CSPP1: variants seen among roughly 807,000 people sequenced by gnomAD.
The protein encoded by CSPP1 is centrosome and spindle pole associated protein 1.
Under a neutral mutation model 164.4 loss-of-function variants are expected in CSPP1, and 126 were observed. The ratio of observed to expected loss-of-function variants is 0.77; its 90% CI spans 0.66 to 0.89. The LOEUF is 0.89. CSPP1 is among the 40% of genes least tolerant of loss of function. CSPP1 has a pLI of 0.00. For synonymous variants in CSPP1, 472 were observed against 476.7 expected, an observed-to-expected ratio of 0.99 and a Z score of 0.13; for missense variants, 1,395 against 1,449.8, an observed-to-expected ratio of 0.96 and a Z score of 0.61.
chr8:67,188,714 C>G (rs980638699), intron 28 of CSPP1, among the ~76,000 whole-genome samples: 2 of 152,220 alleles, frequency 1.3e-5, no homozygotes, highest in African/African-American at 2.4e-5. Context: ...CCCTCCGGAT[C>G]TGGCAGGATG....
At chr8:67,105,557 A>G (rs2129547699) in intron 8 of CSPP1, among the ~76,000 whole-genome samples, 1 of 150,990 alleles carries the variant, frequency 6.6e-6, no homozygotes, top group East Asian at 2.0e-4. Context: ...ATTTTTTTGT[A>G]TTTTTTATTA....
chr8:67,084,394 T>C lies in CSPP1; in HGVS notation c.200-1613T>C, dbSNP rs1383564873. The C allele has an allele frequency of 2.6e-5, 4 of 152,206 alleles. No individual in the cohort carries two copies. In the South Asian group the frequency reaches 8.3e-4, roughly 32 times the overall value. 9.4% of individuals were successfully genotyped at this position (152,206 alleles called of 1,614,324 possible). On this transcript the variant is annotated intron_variant, in intron 3 of 30. Coordinates refer to ENST00000678616, the MANE Select transcript of CSPP1 (RefSeq NM_001382391.1). ...CATAAACATCCACTTATGTTTATAT[T>C]ACACTGGCCTTTTCCCTGCCTGAAA...
chr8:67,158,344 A>G (rs1224500728), intron 19 of CSPP1, 103 bp from the exon 20 acceptor site: 1 of 1,240,702 alleles, frequency 8.1e-7, no homozygotes, highest in Admixed American at 3.3e-5. Flanking sequence ...ACATGCAAAA[A>G]GAGGGTACAA....
At chr8:67,080,122 A>G (rs1323978761) in intron 3 of CSPP1, among the ~76,000 whole-genome samples, 1 of 152,170 alleles carries the variant, frequency 6.6e-6, no homozygotes, top group South Asian at 2.1e-4. Flanking sequence ...AGTTTCTCAC[A>G]CTGGGAAAAA....
At position 67,179,871 on chromosome 8, in the gene CSPP1, T is replaced by C. The variant is rs10112748; in HGVS notation, c.3165T>C (p.Asp1055=). 5,634 of 1,594,980 alleles carry C rather than the reference T, an allele frequency of 3.5e-3. 8 individuals are homozygous for C. Among genetic ancestry groups the C allele is most frequent in the Non-Finnish European group, 4.6e-3 (5,381 of 1,163,866 alleles). ...AAACATGTTTCTTTTAGCCCAGAGA[T>C]GACACTAGTGATTTCTTGAAAAACT... is the stretch of plus-strand genomic sequence containing the variant. The part of the protein sequence containing the change: ...AKVREQRMPR[D]DTSDFLKNSL... The change falls in exon 28 of 31, where the codon GAT becomes GAC. Residue 1055 remains aspartate (D), a synonymous_variant. Coordinates refer to ENST00000678616, the MANE Select transcript of CSPP1 (RefSeq NM_001382391.1).
chr8:67,092,010 A>G (rs1811711756), intron 5 of CSPP1, 127 bp downstream of exon 5: 1 of 272,648 alleles, frequency 3.7e-6, no homozygotes, highest in Non-Finnish European at 7.2e-6. Flanking sequence ...ATATATTTCT[A>G]TTTCAAAAAT....
intron 13 of CSPP1, among the ~76,000 whole-genome samples, chr8:67,118,044 A>C (rs1818270804): frequency 6.6e-6 from 1 of 152,176 alleles, no homozygotes; most frequent in Non-Finnish European, 1.5e-5. Flanking sequence ...ATCTTACATA[A>C]ATGTACCTGA....
intron 1 of CSPP1, among the ~76,000 whole-genome samples, chr8:67,066,431 C>G (rs1009180880): frequency 9.2e-5 from 14 of 151,968 alleles, no homozygotes; most frequent in Admixed American, 6.6e-4. Context: ...ACTGGCCCCT[C>G]CCCCCACCGC....
At chr8:67,074,618 A>G (rs1422674529) in intron 2 of CSPP1, among the ~76,000 whole-genome samples, 1 of 152,200 alleles carries the variant, frequency 6.6e-6, no homozygotes, top group Admixed American at 6.5e-5. Flanking sequence ...TTCTATTACA[A>G]AGAACTTCCA....
Position 67,118,337 on chromosome 8 carries a change from C to T in CSPP1, c.1586C>T (p.Ser529Phe). The T allele has an allele frequency of 1.2e-6, 2 of 1,613,418 alleles. No individual in the cohort carries two copies. Among genetic ancestry groups the T allele is most frequent in the Non-Finnish European group, 8.5e-7 (1 of 1,179,540 alleles). ...PYDDAYYFYG[S>F]RNTFDPSLAY... ...GATGATGCATACTATTTTTATGGGT[C>T]CAGGAATACTTTCGATCCCAGTCTT... Residue 529 changes from serine to phenylalanine, a missense_variant, in exon 14 of 31, where the codon TCC becomes TTC. By Grantham distance (155) the Ser-to-Phe change is radical. Transcript: ENST00000678616.
At chr8:67,194,268 C>A (rs1234596625) in intron 30 of CSPP1, among the ~76,000 whole-genome samples, 2 of 152,138 alleles carry the variant, frequency 1.3e-5, no homozygotes, top group Non-Finnish European at 2.9e-5. Flanking sequence ...CTGGAGTGGT[C>A]TATTTGGGAA....
At chr8:67,132,612 A>G (rs947718672) in intron 16 of CSPP1, among the ~76,000 whole-genome samples, 2 of 152,198 alleles carry the variant, frequency 1.3e-5, no homozygotes, top group Non-Finnish European at 2.9e-5. Flanking sequence ...GGAGGTGATG[A>G]GGCCCTGAAC....
intron 28 of CSPP1, among the ~76,000 whole-genome samples, chr8:67,181,802 T>C (rs1448015085): frequency 3.9e-5 from 6 of 152,064 alleles, no homozygotes; most frequent in Non-Finnish European, 2.9e-5. Flanking sequence ...AAATAGAAAC[T>C]CTTCATATGA....
At chr8:67,147,554 G>A (rs569300037) in intron 17 of CSPP1, among the ~76,000 whole-genome samples, 58 of 151,548 alleles carry the variant, frequency 3.8e-4, no homozygotes, top group Non-Finnish European at 7.5e-4. Flanking sequence ...TTGTACCCCC[G>A]CGCCCCACCA....
chr8:67,071,585 C>T (rs1806791423), intron 1 of CSPP1, among the ~76,000 whole-genome samples: 1 of 152,162 alleles, frequency 6.6e-6, no homozygotes, highest in Non-Finnish European at 1.5e-5. Flanking sequence ...TCCAGTAGCA[C>T]ATCTTACTAG....
intron 15 of CSPP1, among the ~76,000 whole-genome samples, chr8:67,129,721 C>T (rs1371029330): frequency 6.6e-6 from 1 of 152,098 alleles, no homozygotes; most frequent in African/African-American, 2.4e-5. Flanking sequence ...TATGGATGAA[C>T]CTTATAAATG....
chr8:67,102,628 A>G (rs1438269811), intron 7 of CSPP1, among the ~76,000 whole-genome samples: 1 of 152,186 alleles, frequency 6.6e-6, no homozygotes, highest in African/African-American at 2.4e-5. Flanking sequence ...AATAATTCAC[A>G]GACTCTATGA....
At chr8:67,194,634 T>C (rs1416352746) in intron 30 of CSPP1, among the ~76,000 whole-genome samples, 2 of 152,110 alleles carry the variant, frequency 1.3e-5, no homozygotes, top group Admixed American at 1.3e-4. Flanking sequence ...CAGGAGCTTT[T>C]TGTTATTATG....
intron 1 of CSPP1, among the ~76,000 whole-genome samples, chr8:67,065,203 G>C (rs778681018): frequency 6.6e-6 from 1 of 152,080 alleles, no homozygotes; most frequent in Non-Finnish European, 1.5e-5. Flanking sequence ...ATTTCCCCCC[G>C]TGATTGCCCG....
Sources: allele counts gnomAD v4.1 joint callset (sites outside exome capture counted in the v4.1 genomes callset), GRCh38; gene constraint gnomAD v4.1.1; transcripts MANE v1.5; gene names NCBI Gene and HGNC (gene_info 2026-07-23, HGNC 2026-07-21).